CYP7B1: variants seen among roughly 807,000 people sequenced by gnomAD.
CYP7B1 encodes the protein cytochrome P450 7B1.
A neutral mutation model predicts 42.7 loss-of-function variants in CYP7B1; 29 were observed. That is an observed-to-expected ratio of 0.68 (90% confidence interval 0.51 to 0.93). CYP7B1 has a LOEUF of 0.93. CYP7B1 is among the 40% of genes least tolerant of loss of function. The pLI, the probability that CYP7B1 is intolerant of heterozygous loss-of-function variation, is 0.00. For missense variants in CYP7B1, 655 were observed against 600.5 expected (o/e 1.09, Z -0.95); for synonymous variants, 235 against 218.2 (o/e 1.08, Z -0.68).
chr8:64,713,189 G>C (rs1433693382), intron 1 of CYP7B1, among the ~76,000 whole-genome samples: 1 of 152,074 alleles, frequency 6.6e-6, no homozygotes, highest in Admixed American at 6.6e-5. Flanking sequence ...TCTGTTTCCA[G>C]ACCCACCCTT....
chr8:64,643,172 C>CAT (rs1280428766), intron 1 of CYP7B1, among the ~76,000 whole-genome samples: 1 of 99,608 alleles, frequency 1.0e-5, no homozygotes, highest in African/African-American at 3.2e-5. Flanking sequence ...CACATATATA[C>CAT]ATATATATAC....
intron 1 of CYP7B1, among the ~76,000 whole-genome samples, chr8:64,711,890 A>G (rs1807086833): frequency 6.6e-6 from 1 of 152,234 alleles, no homozygotes; most frequent in South Asian, 2.1e-4. Flanking sequence ...TAGCAAATCA[A>G]AAATTATTTC....
intron 1 of CYP7B1, among the ~76,000 whole-genome samples, chr8:64,691,448 G>A (rs1342672152): frequency 8.0e-6 from 1 of 124,918 alleles, no homozygotes; most frequent in African/African-American, 2.8e-5. Flanking sequence ...CATATAAACA[G>A]GCACCAACAT....
intron 1 of CYP7B1, among the ~76,000 whole-genome samples, chr8:64,634,277 T>C (rs1453354226): frequency 5.3e-5 from 8 of 152,066 alleles, no homozygotes; most frequent in Admixed American, 4.6e-4. Flanking sequence ...AATAAAGAAA[T>C]GCTATTTTGG....
rs1183151663 is a variant in CYP7B1 at position 64,594,298 on chromosome 8, A to G, written c.*2344T>C. Reference sequence around the variant, plus strand: ...TAGATCATTAAAACATAATGTGTGCACATTATGGATTGCTGTGCAGCAGTT... The same window carrying G: ...TAGATCATTAAAACATAATGTGTGCGCATTATGGATTGCTGTGCAGCAGTT... On this transcript the variant is annotated 3_prime_UTR_variant, in exon 6 of 6. Transcript: ENST00000310193. Among the ~76,000 whole-genome samples, 1 of 152,196 alleles carries G rather than the reference A, an allele frequency of 6.6e-6. No homozygotes were observed. Among genetic ancestry groups the G allele is most frequent in the Non-Finnish European group, 1.5e-5 (1 of 68,032 alleles).
chr8:64,615,137 C>T lies in CYP7B1; in HGVS notation c.946G>A (p.Ala316Thr). The change falls in exon 4 of 6, where the codon GCA becomes ACA. Residue 316 changes from alanine to threonine, a missense_variant. Transcript: ENST00000310193. ...CGGTCAATTTCGTCACGCACTGCTG[C>T]CATAGCTTCTGGGTGCCGCAGAAGA... ...YYLLRHPEAM[A>T]AVRDEIDRLL... 6.2e-7 allele frequency: 1 copy of T among 1,613,654 alleles called. No homozygotes were observed. Among genetic ancestry groups the T allele is most frequent in the African/African-American group, 1.3e-5 (1 of 74,994 alleles).
chr8:64,740,711 A>G (rs1316976615), intron 1 of CYP7B1, among the ~76,000 whole-genome samples: 3 of 152,106 alleles, frequency 2.0e-5, no homozygotes, highest in Non-Finnish European at 4.4e-5. Context: ...TCATATAGGA[A>G]TATTATGAAA....
intron 1 of CYP7B1, among the ~76,000 whole-genome samples, chr8:64,686,122 C>G (rs866213973): frequency 4.3e-5 from 4 of 93,560 alleles, no homozygotes; most frequent in South Asian, 3.7e-4. Flanking sequence ...GCCCTCCGCC[C>G]GGCCAGCCGC....
intron 1 of CYP7B1, among the ~76,000 whole-genome samples, chr8:64,628,966 G>A (rs950176827): frequency 2.0e-5 from 3 of 152,078 alleles, no homozygotes; most frequent in East Asian, 3.8e-4. Flanking sequence ...AGTGGCTCAC[G>A]CCTGTAATCC....
chr8:64,615,039 G>T lies in CYP7B1; in HGVS notation c.1044C>A (p.Ser348Arg). 1 of 1,613,560 alleles carries T rather than the reference G, an allele frequency of 6.2e-7. No homozygotes were observed. Among genetic ancestry groups the T allele is most frequent in the Non-Finnish European group, 8.5e-7 (1 of 1,179,682 alleles). Residue 348 changes from serine (S) to arginine (R), a missense_variant, in exon 4 of 6, where the codon AGC becomes AGA. Physicochemically the swap from Ser to Arg is moderately radical, Grantham distance 110. Transcript: ENST00000310193. ...AAAATAAATTACCTAGGCAGATTAG[G>T]CTGTCCAATTGTTCTCTGGTGAGGT... ...PIHLTREQLD[S>R]LICLESSIFE... is the part of the protein sequence containing the mutation.
At chr8:64,669,541 T>C (rs114311650) in intron 1 of CYP7B1, among the ~76,000 whole-genome samples, 158 of 152,290 alleles carry the variant, frequency 1.0e-3, no homozygotes, top group African/African-American at 3.7e-3. Context: ...ATATTTCTTA[T>C]ATAATAATTA....
intron 1 of CYP7B1, among the ~76,000 whole-genome samples, chr8:64,759,527 T>C (rs1485995767): frequency 6.6e-6 from 1 of 152,180 alleles, no homozygotes; most frequent in Non-Finnish European, 1.5e-5. Context: ...AGAAGAGTAA[T>C]ATGTCAAATT....
chr8:64,768,261 G>A (rs1490763488), intron 1 of CYP7B1, among the ~76,000 whole-genome samples: 1 of 151,938 alleles, frequency 6.6e-6, no homozygotes, highest in Non-Finnish European at 1.5e-5. Context: ...CAATGATCGG[G>A]ATATAAACCC....
intron 1 of CYP7B1, among the ~76,000 whole-genome samples, chr8:64,669,461 G>T (rs1338257358): frequency 6.6e-6 from 1 of 152,056 alleles, no homozygotes; most frequent in Non-Finnish European, 1.5e-5. Flanking sequence ...AGGAAAAAGG[G>T]TGCAAAATAA....
Position 64,616,211 on chromosome 8 carries a change from GC to G in CYP7B1, c.329del (p.Ser110ThrfsTer10). 1 of 1,610,878 alleles carries G rather than the reference GC, an allele frequency of 6.2e-7. No homozygotes were observed. The highest frequency in any genetic ancestry group is 1.1e-5 in the South Asian group (1 of 90,674). ...QLVIKNHKQL[S>X]FRVFSNKLLE... ...ATAATTTATTAGAAAATACTCGAAA[GC>G]TTAATTGTTTATGATTTTTTATCAC... is the stretch of plus-strand genomic sequence containing the variant. On this transcript the variant is annotated frameshift_variant, in exon 3 of 6. Transcript: ENST00000310193. LOFTEE classifies it high-confidence loss of function.
intron 1 of CYP7B1, among the ~76,000 whole-genome samples, chr8:64,790,839 T>C (rs1370908241): frequency 6.6e-6 from 1 of 152,208 alleles, no homozygotes; most frequent in Non-Finnish European, 1.5e-5. Flanking sequence ...CAGAATGTTA[T>C]TGTAATTGGA....
In CYP7B1 at chr8:64,616,160, C is replaced by T. The variant is rs1350098324; in HGVS notation, c.381G>A (p.Gln127=). 1.7e-5 allele frequency: 27 copies of T among 1,613,148 alleles called. No homozygotes were observed. The highest frequency in any genetic ancestry group is 2.3e-5 in the Non-Finnish European group (27 of 1,179,638). The change falls in exon 3 of 6, where the codon CAG becomes CAA. Residue 127 remains glutamine (Q), a synonymous_variant. Coordinates refer to ENST00000310193, the MANE Select transcript of CYP7B1 (RefSeq NM_004820.5). ...KLLEKAFSIS[Q]LQKNHDMNDE... is the part of the protein sequence containing the mutation. ...CATTCATGTCATGATTTTTTTGCAACTGACTGATGCTAAATGCTTTCTCTA... is the reference window on the plus strand; with the variant it reads ...CATTCATGTCATGATTTTTTTGCAATTGACTGATGCTAAATGCTTTCTCTA...
At chr8:64,661,625 A>AG (rs1269852251) in intron 1 of CYP7B1, among the ~76,000 whole-genome samples, 1 of 152,180 alleles carries the variant, frequency 6.6e-6, no homozygotes, top group Non-Finnish European at 1.5e-5. Context: ...TGGAAAGTAG[A>AG]GGGGGACAGA....
At chr8:64,646,877 G>A (rs1805961973) in intron 1 of CYP7B1, among the ~76,000 whole-genome samples, 1 of 152,182 alleles carries the variant, frequency 6.6e-6, no homozygotes, top group Admixed American at 6.5e-5. Flanking sequence ...TCACACGTGT[G>A]TTCACTGAAG....
Sources: gnomAD v4.1 joint callset for allele counts (sites outside exome capture counted in the v4.1 genomes callset) on GRCh38, gnomAD v4.1.1 for gene constraint, MANE v1.5 for transcripts, NCBI Gene and HGNC (gene_info 2026-07-23, HGNC 2026-07-21) for gene names.